MTCH1: variants seen among roughly 807,000 people sequenced by gnomAD.
MTCH1 encodes mitochondrial carrier 1.
MTCH1 carries 23 observed loss-of-function variants against 49.3 expected under a neutral mutation model. The ratio of observed to expected loss-of-function variants is 0.47; its 90% CI spans 0.34 to 0.66. MTCH1 has a LOEUF of 0.66. Among genes scored for constraint, MTCH1 ranks in the 30% least tolerant of loss-of-function variants. The pLI is 0.01. For missense variants in MTCH1, 397 were observed against 532.1 expected, an observed-to-expected ratio of 0.75 and a Z score of 2.50; for synonymous variants, 229 against 215.2, an observed-to-expected ratio of 1.06 and a Z score of -0.56.
Position 36,977,397 on chromosome 6 carries a change from T to A in MTCH1, c.650-147A>T. The A allele has an allele frequency of 1.2e-6, 1 of 824,036 alleles. No homozygotes were observed. Among genetic ancestry groups the A allele is most frequent in the Non-Finnish European group, 2.0e-6 (1 of 509,898 alleles). The allele number at this position is 824,036 out of a possible 1,614,324, so 51.0% of individuals were successfully genotyped here. ...GAGGAAGAGGGCCTTTCGGATTCCC[T>A]GTTACACCCCATGACCACAGCATGC... On this transcript the variant is annotated intron_variant, in intron 5 of 11. Coordinates refer to ENST00000373627, the MANE Select transcript of MTCH1 (RefSeq NM_001271641.2). This position sits in a 1 kb window ranked among gnomAD's most constrained non-coding sequence, Gnocchi z 5.4.
chr6:36,970,541 A>G (rs1414877375), intron 9 of MTCH1, 68 bp from the exon 10 acceptor site: 1 of 1,607,300 alleles, frequency 6.2e-7, no homozygotes, highest in Non-Finnish European at 8.5e-7. Flanking sequence ...ACACCACGCC[A>G]ACACCCTGTA....
chr6:36,978,514 G>A lies in MTCH1; in HGVS notation c.504C>T (p.Ser168=), dbSNP rs1763973559. 1.2e-6 allele frequency: 2 copies of A among 1,614,074 alleles called. No homozygotes were observed. The highest frequency in any genetic ancestry group is 1.7e-6 in the Non-Finnish European group (2 of 1,179,956). The change falls in exon 3 of 12, where the codon AGC becomes AGT. Residue 168 remains serine (S), a synonymous_variant. Transcript: ENST00000373627. ...CTTTGTGTGGGCTCACCTTCTTCAT[G>A]CTACCCCGAGTCACAGTAGAGAGGG... The part of the protein sequence containing the change: ...SNALSTVTRG[S]MKKVFPPDEI...
In MTCH1 at chr6:36,977,173, CT is replaced by C. The variant is rs1438033633; in HGVS notation, c.701+25del. ...CGACTCTGAAAGGGTAACAGGGCCA[CT>C]CTGCCAGTCCCAAGAGTTACCCACC... On this transcript the variant is annotated intron_variant, in intron 6 of 11. Coordinates refer to ENST00000373627, the MANE Select transcript of MTCH1 (RefSeq NM_001271641.2). The surrounding 1 kb of genome is among the most constrained non-coding windows in gnomAD (Gnocchi z 5.4). 4 of 1,613,184 alleles carry C rather than the reference CT, an allele frequency of 2.5e-6. No individual in the cohort carries two copies. Among genetic ancestry groups the C allele is most frequent in the Admixed American group, 1.7e-5 (1 of 60,028 alleles).
At position 36,986,087 on chromosome 6, in the gene MTCH1, G is replaced by T. The variant is rs530592565; in HGVS notation, c.87C>A (p.Arg29=). ...CCTCGACCCCCGCCGCCGCTCCGCC[G>T]CGAGCTCCGGCTCCAGCTCCGGCTC... ...MAGAGAGAGA[R]GGAAAGVEAR... The change falls in exon 1 of 12, where the codon CGC becomes CGA. Residue 29 remains arginine (R), a synonymous_variant. Transcript: ENST00000373627. The T allele has an allele frequency of 3.6e-4, 517 of 1,431,180 alleles. 2 individuals carry two copies. In the African/African-American group the frequency reaches 5.8e-3, roughly 16 times the overall value. The allele number at this position is 1,431,180 out of a possible 1,614,324, so 88.7% of individuals were successfully genotyped here. A position where few individuals can be genotyped will look rare whatever the true frequency, so the allele number is the denominator to read the frequency against.
At chr6:36,976,615 C>A (rs1304452492) in intron 6 of MTCH1, 2 of 470,258 alleles carry the variant, frequency 4.3e-6, no homozygotes, top group East Asian at 1.4e-4. Flanking sequence ...AAAACACCGA[C>A]CCCAGGAAAT....
chr6:36,981,532 C>T, intron 2 of MTCH1, 56 bp downstream of exon 2: 1 of 1,560,870 alleles, frequency 6.4e-7, no homozygotes, highest in Non-Finnish European at 8.8e-7. Context: ...TCCTGCTCCC[C>T]ACCTGAGGCC....
rs780477067 is a variant in MTCH1 at position 36,978,502 on chromosome 6, C to T, written c.513+3G>A. 5 of 1,613,796 alleles carry T rather than the reference C, an allele frequency of 3.1e-6. No homozygotes were observed. The highest frequency in any genetic ancestry group is 2.2e-5 in the South Asian group (2 of 91,034). On this transcript the variant is annotated splice_donor_region_variant and intron_variant, in intron 3 of 11. Transcript: ENST00000373627. ...GACTGTTCCTGGCTTTGTGTGGGCT[C>T]ACCTTCTTCATGCTACCCCGAGTCA...
intron 7 of MTCH1, among the ~76,000 whole-genome samples, chr6:36,975,187 A>G (rs932576317): frequency 5.9e-5 from 9 of 152,208 alleles, no homozygotes; most frequent in Non-Finnish European, 1.0e-4. Context: ...AGACATGTGG[A>G]TTTTTGTGCA....
At position 36,968,641 on chromosome 6, in the gene MTCH1, C is replaced by A. The variant is rs1583244498; in HGVS notation, c.*262G>T. Reference sequence around the variant, plus strand: ...TCTGCACAAGACAGACTCAGCAAATCTGCGAGGTATGGGGATTCTGCCAAC... The same window carrying A: ...TCTGCACAAGACAGACTCAGCAAATATGCGAGGTATGGGGATTCTGCCAAC... On this transcript the variant is annotated 3_prime_UTR_variant, in exon 12 of 12. Coordinates refer to ENST00000373627, the MANE Select transcript of MTCH1 (RefSeq NM_001271641.2). 5.5e-6 allele frequency: 3 copies of A among 542,258 alleles called. No homozygotes were observed. Among genetic ancestry groups the A allele is most frequent in the Non-Finnish European group, 3.6e-6 (1 of 279,694 alleles). The allele number at this position is 542,258 out of a possible 1,614,324, so 33.6% of individuals were successfully genotyped here. A position where few individuals can be genotyped will look rare whatever the true frequency, so the allele number is the denominator to read the frequency against.
Position 36,986,189 on chromosome 6 carries a change from G to T in MTCH1, c.-16C>A. ...AAGCTCCCATGGCGCCCGGCGGCGA[G>T]GTCACTCCCCGTCACGTGACGGGGC... On this transcript the variant is annotated 5_prime_UTR_variant, in exon 1 of 12. Transcript: ENST00000373627. The T allele has an allele frequency of 1.4e-6, 2 of 1,421,174 alleles. No individual in the cohort carries two copies. Among genetic ancestry groups the T allele is most frequent in the Non-Finnish European group, 1.8e-6 (2 of 1,096,366 alleles). The allele number at this position is 1,421,174 out of a possible 1,614,324, so 88.0% of individuals were successfully genotyped here. A position where few individuals can be genotyped will look rare whatever the true frequency, so the allele number is the denominator to read the frequency against.
chr6:36,986,346 A>G (rs1764321313), upstream of MTCH1: 14 of 517,206 alleles, frequency 2.7e-5, no homozygotes, highest in South Asian at 8.9e-4. Context: ...GCCTAGCAGG[A>G]CACTGGGCTG....
intron 11 of MTCH1, chr6:36,969,769 C>T: frequency 1.5e-6 from 2 of 1,350,292 alleles, no homozygotes; most frequent in East Asian, 3.4e-5. Flanking sequence ...GTTCTCTTAT[C>T]CTTATCCTAA....
chr6:36,985,748 C>A, intron 1 of MTCH1, 105 bp downstream of exon 1: 1 of 1,090,460 alleles, frequency 9.2e-7, no homozygotes. Flanking sequence ...CCCCACCCCT[C>A]TCCCCAAATC....
chr6:36,975,592 G>A (rs1056170134), intron 7 of MTCH1, 66 bp downstream of exon 7: 1 of 1,508,430 alleles, frequency 6.6e-7, no homozygotes, highest in South Asian at 1.1e-5. Context: ...GGTCTGAGAG[G>A]TTGAGGACAC....
In MTCH1 at chr6:36,968,776, C is replaced by G. The variant is rs550643684; in HGVS notation, c.*127G>C. 1.4e-6 allele frequency: 2 copies of G among 1,437,718 alleles called. No homozygotes were observed. The highest frequency in any genetic ancestry group is 2.4e-5 in the South Asian group (2 of 83,310). The allele number at this position is 1,437,718 out of a possible 1,614,324, so 89.1% of individuals were successfully genotyped here. ...GGACAGACACATGGCAAATATGGAA[C>G]TGAAGCCCGGCTGGGCTGGAGCACA... On this transcript the variant is annotated 3_prime_UTR_variant, in exon 12 of 12. Transcript: ENST00000373627.
In MTCH1 at chr6:36,970,408, G is replaced by A. The variant is rs201686404; in HGVS notation, c.1020C>T (p.Cys340=). The change falls in exon 10 of 12, where the codon TGC becomes TGT. Residue 340 remains cysteine (C), a splice_region_variant and synonymous_variant. Transcript: ENST00000373627. ...LVGDLMAVNN[C]GLQAGLPPYS... ...CAAGTAGAGGGGCGCACACCTACCC[G>A]CAGTTGTTCACAGCCATGAGGTCGC... The A allele has an allele frequency of 3.1e-5, 50 of 1,614,058 alleles. No homozygotes were observed. The African/African-American group carries it at 4.3e-4, about 14-fold the overall frequency.
Position 36,978,626 on chromosome 6 carries a change from A to T in MTCH1, c.407-15T>A. The T allele has an allele frequency of 6.2e-7, 1 of 1,611,762 alleles. No homozygotes were observed. The highest frequency in any genetic ancestry group is 8.5e-7 in the Non-Finnish European group (1 of 1,178,358). ...GATGTACTTGGCTGTAAGAAAACAG[A>T]GGTGGCAGAGGAGTCACACCCAGTT... On this transcript the variant is annotated splice_polypyrimidine_tract_variant and intron_variant, in intron 2 of 11. Transcript: ENST00000373627.
intron 7 of MTCH1, among the ~76,000 whole-genome samples, chr6:36,975,001 T>C (rs535364278): frequency 2.0e-5 from 3 of 152,368 alleles, no homozygotes; most frequent in South Asian, 4.1e-4. Context: ...CTTTTCAGTA[T>C]GTGCTTTCTT....
At chr6:36,974,660 C>T (rs980975753) in intron 7 of MTCH1, among the ~76,000 whole-genome samples, 3 of 152,126 alleles carry the variant, frequency 2.0e-5, no homozygotes, top group East Asian at 1.9e-4. Context: ...CGATGTTCCC[C>T]GGGGAGCAAA....
Sources: gnomAD v4.1 joint callset for allele counts (sites outside exome capture counted in the v4.1 genomes callset) on GRCh38, gnomAD v4.1.1 for gene constraint, Gnocchi (gnomAD v3.1) non-coding constraint, MANE v1.5 for transcripts, NCBI Gene and HGNC (gene_info 2026-07-23, HGNC 2026-07-21) for gene names.